CUX1: variants seen among roughly 807,000 people sequenced by gnomAD.
The protein encoded by CUX1 is protein CASP.
Under a neutral mutation model 158.8 loss-of-function variants are expected in CUX1, and 31 were observed. The observed-to-expected ratio is 0.20, with a 90% CI of 0.15 to 0.26. The LOEUF is 0.26. CUX1 is among the 10% of genes least tolerant of loss of function. CUX1 has a pLI of 1.00. For synonymous variants in CUX1, 879 were observed against 862.1 expected, an observed-to-expected ratio of 1.02 and a Z score of -0.34; for missense variants, 1,589 against 2,014.6, an observed-to-expected ratio of 0.79 and a Z score of 4.04.
intron 1 of CUX1, among the ~76,000 whole-genome samples, chr7:101,887,045 G>T (rs900404767): frequency 6.6e-6 from 1 of 152,110 alleles, no homozygotes; most frequent in African/African-American, 2.4e-5. Context: ...CACAGCGTGG[G>T]GCCCAATAGC....
chr7:102,275,356 G>A (rs782541263), exon 17 of CUX1: 2 of 1,611,652 alleles, frequency 1.2e-6, no homozygotes, highest in Admixed American at 3.3e-5. Flanking sequence ...AGGAGCTTGA[G>A]GCCGTGAGTC....
At chr7:101,945,537 C>T (rs367892161) in intron 2 of CUX1, among the ~76,000 whole-genome samples, 25 of 152,136 alleles carry the variant, frequency 1.6e-4, no homozygotes, top group African/African-American at 5.3e-4. Flanking sequence ...TCCCAGGTGC[C>T]GGGGAGGCAG....
intron 4 of CUX1, among the ~76,000 whole-genome samples, chr7:102,080,010 G>A (rs1442133918): frequency 1.3e-5 from 2 of 152,150 alleles, no homozygotes; most frequent in Non-Finnish European, 2.9e-5. Flanking sequence ...GGCTCAATCC[G>A]CCTCTCCATG....
intron 18 of CUX1, among the ~76,000 whole-genome samples, chr7:102,279,646 C>T (rs1791902191): frequency 6.6e-6 from 1 of 152,164 alleles, no homozygotes; most frequent in Non-Finnish European, 1.5e-5. Context: ...CCAGAGGGCA[C>T]TCAGACTCTG....
At chr7:101,913,566 C>T (rs35514641) in intron 1 of CUX1, 26,816 of 285,964 alleles carry the variant, frequency 0.094, 1,914 homozygotes, top group East Asian at 0.41. Context: ...AGACCCCCGG[C>T]TCATCTGGCA....
At chr7:102,135,745 C>G (rs576987257) in intron 8 of CUX1, among the ~76,000 whole-genome samples, 14 of 152,132 alleles carry the variant, frequency 9.2e-5, no homozygotes, top group Non-Finnish European at 2.1e-4. Context: ...GAGGCCAAGG[C>G]AGGCGGATCA....
rs562309359 is a variant in CUX1, at chr7:102,168,308, A to G, written c.724-2138A>G. Among the ~76,000 whole-genome samples the G allele has an allele frequency of 3.2e-4, 48 of 152,254 alleles. No individual in the cohort carries two copies. In the South Asian group the frequency reaches 9.3e-3, roughly 30 times the overall value. ...CCAAGAGCTCCTGGAGAGGCAAGGC[A>G]GGCGGCCACCAGCACCGCCCTGGGC... On this transcript the variant is annotated intron_variant, in intron 9 of 23. Coordinates refer to ENST00000292535, the MANE Select transcript of CUX1 (RefSeq NM_181552.4).
At chr7:102,050,737 C>T (rs990467191) in intron 3 of CUX1, among the ~76,000 whole-genome samples, 3 of 151,684 alleles carry the variant, frequency 2.0e-5, no homozygotes, top group South Asian at 2.1e-4. Context: ...GGCTCTCGCT[C>T]TGCTGCCCAG....
At chr7:101,963,253 G>T (rs991823804) in intron 2 of CUX1, among the ~76,000 whole-genome samples, 2 of 152,062 alleles carry the variant, frequency 1.3e-5, no homozygotes, top group Non-Finnish European at 2.9e-5. Flanking sequence ...TATTTGGCTC[G>T]CCTGTCCTCC....
chr7:102,075,415 A>G (rs1322079097), intron 4 of CUX1, among the ~76,000 whole-genome samples: 1 of 152,156 alleles, frequency 6.6e-6, no homozygotes, highest in Non-Finnish European at 1.5e-5. Flanking sequence ...TCCCATGCAC[A>G]CACACACCCT....
At chr7:102,057,599 A>G (rs182281358) in intron 3 of CUX1, among the ~76,000 whole-genome samples, 171 of 152,306 alleles carry the variant, frequency 1.1e-3, no homozygotes, top group Non-Finnish European at 1.7e-3. Flanking sequence ...CAGTGGAGGA[A>G]GGAACTGCAG....
At position 102,255,447 on chromosome 7, in the gene CUX1, T is replaced by C. The variant is rs2132692261; in HGVS notation, c.*6405T>C. On this transcript the variant is annotated 3_prime_UTR_variant, in exon 24 of 24. Transcript: ENST00000292535. ...AGAAAGACATTTGGCTATGCATAAA[T>C]GTGCACTTCCCCCATGCCCCCGTTC... 2 of 983,586 alleles carry C rather than the reference T, an allele frequency of 2.0e-6. No individual in the cohort carries two copies. Among genetic ancestry groups the C allele is most frequent in the Non-Finnish European group, 2.4e-6 (2 of 829,624 alleles). 60.9% of individuals were successfully genotyped at this position (983,586 alleles called of 1,614,324 possible). A position where few individuals can be genotyped will look rare whatever the true frequency, so the allele number is the denominator to read the frequency against.
intron 3 of CUX1, among the ~76,000 whole-genome samples, chr7:102,040,945 G>T (rs1196983469): frequency 6.6e-6 from 1 of 152,112 alleles, no homozygotes; most frequent in African/African-American, 2.4e-5. Context: ...GTTGACTATC[G>T]CTAGCAGAAC....
chr7:102,037,460 C>T (rs1264504018), intron 3 of CUX1, among the ~76,000 whole-genome samples: 1 of 150,810 alleles, frequency 6.6e-6, no homozygotes, highest in Non-Finnish European at 1.5e-5. Context: ...TCAAGTGATT[C>T]TCCTGCCTCA....
chr7:102,033,375 A>G (rs1205755050), intron 3 of CUX1, among the ~76,000 whole-genome samples: 1 of 152,232 alleles, frequency 6.6e-6, no homozygotes, highest in Non-Finnish European at 1.5e-5. Flanking sequence ...ACATAAGAAT[A>G]GAAATGAATG....
At chr7:101,904,117 A>AAC (rs10622369) in intron 1 of CUX1, among the ~76,000 whole-genome samples, 41,668 of 143,632 alleles carry the variant, frequency 0.29, 5,954 homozygotes, top group East Asian at 0.42. Context: ...GTCTTTACAA[A>AAC]ACACACACAC....
In CUX1 at chr7:102,252,242, C is replaced by A. The variant is rs187203541; in HGVS notation, c.*3200C>A. ...GCAATCCGTGGCCAGGGGAGCACCC[C>A]CTCCTGGTTGGGCCCCTCAGTTGGA... On this transcript the variant is annotated 3_prime_UTR_variant, in exon 24 of 24. Coordinates refer to ENST00000292535, the MANE Select transcript of CUX1 (RefSeq NM_181552.4). 405 of 985,468 alleles carry A rather than the reference C, an allele frequency of 4.1e-4. 7 individuals are homozygous for A. The Admixed American group carries it at 0.022, about 55-fold the overall frequency. 61.0% of individuals were successfully genotyped at this position (985,468 alleles called of 1,614,324 possible).
intron 8 of CUX1, among the ~76,000 whole-genome samples, chr7:102,133,727 C>T (rs1274665088): frequency 1.3e-5 from 2 of 151,860 alleles, no homozygotes; most frequent in Admixed American, 6.6e-5. Context: ...CACCCGCCTC[C>T]GCCTCCCAAA....
chr7:101,966,958 C>T (rs1416689612), intron 2 of CUX1, among the ~76,000 whole-genome samples: 1 of 152,110 alleles, frequency 6.6e-6, no homozygotes, highest in African/African-American at 2.4e-5. Flanking sequence ...TCCATCCCAG[C>T]CCCATAACTT....
Sources: allele counts gnomAD v4.1 joint callset (sites outside exome capture counted in the v4.1 genomes callset), GRCh38; gene constraint gnomAD v4.1.1; transcripts MANE v1.5; gene names NCBI Gene and HGNC (gene_info 2026-07-23, HGNC 2026-07-21).